CNOT1: variants seen among roughly 807,000 people sequenced by gnomAD.
CNOT1 encodes the protein CCR4-associated factor 1.
In CNOT1, 15 loss-of-function variants were observed where a neutral mutation model predicts 273.8. The ratio of observed to expected loss-of-function variants is 0.05; its 90% CI spans 0.04 to 0.08. CNOT1 has a LOEUF of 0.08. Ranked by LOEUF, CNOT1 falls within the 10% of genes least tolerant of loss-of-function variation. CNOT1 has a pLI of 1.00. For missense variants in CNOT1, 1,644 were observed against 2,912.2 expected, an observed-to-expected ratio of 0.56 and a Z score of 10.02; for synonymous variants, 1,022 against 1,005.5, an observed-to-expected ratio of 1.02 and a Z score of -0.31.
intron 3 of CNOT1, among the ~76,000 whole-genome samples, chr16:58,588,459 A>G (rs2041948338): frequency 6.6e-6 from 1 of 152,210 alleles, no homozygotes; most frequent in Middle Eastern, 3.2e-3. Flanking sequence ...CAGTATTATG[A>G]CAAACTCTTG....
chr16:58,582,959 G>C, intron 9 of CNOT1, 56 bp from the exon 10 acceptor site: 1 of 1,611,540 alleles, frequency 6.2e-7, no homozygotes, highest in Non-Finnish European at 8.5e-7. Context: ...GTTCACTTCT[G>C]GTCGATAGAA....
At chr16:58,626,829 A>C in intron 1 of CNOT1, among the ~76,000 whole-genome samples, 1 of 151,648 alleles carries the variant, frequency 6.6e-6, no homozygotes, top group African/African-American at 2.4e-5. Context: ...ATTTTGCAAA[A>C]TTTTTTTTTA....
chr16:58,613,785 GT>G lies in CNOT1; in HGVS notation c.-174-14275del, dbSNP rs906408056. ...TAAAATAGTTGAGAAAGGAACTGAA[GT>G]TTTTTTTCAAAGTAGAAAATTGGTC... On this transcript the variant is annotated intron_variant, in intron 1 of 48. Transcript: ENST00000317147. Among the ~76,000 whole-genome samples, 8 of 123,752 alleles carry G rather than the reference GT, an allele frequency of 6.5e-5. 2 individuals carry two copies. Among genetic ancestry groups the G allele is most frequent in the Non-Finnish European group, 1.5e-4 (8 of 52,100 alleles). 81.2% of individuals were successfully genotyped at this position (123,752 alleles called of 152,430 possible).
chr16:58,579,661 T>C (rs1220684214), intron 12 of CNOT1, among the ~76,000 whole-genome samples: 2 of 152,008 alleles, frequency 1.3e-5, no homozygotes, highest in South Asian at 2.1e-4. Flanking sequence ...TGGGAGGGTA[T>C]AGATAGAAAA....
intron 1 of CNOT1, among the ~76,000 whole-genome samples, chr16:58,610,624 A>G (rs1000119900): frequency 1.3e-5 from 2 of 152,028 alleles, no homozygotes; most frequent in African/African-American, 4.8e-5. Flanking sequence ...AGGGCGGATC[A>G]CAAGGTCAGG....
rs180996484 is a variant in CNOT1, at chr16:58,608,095, G to C, written c.-174-8584C>G. Among the ~76,000 whole-genome samples, 10 of 152,048 alleles carry C rather than the reference G, an allele frequency of 6.6e-5. No individual in the cohort carries two copies. In the East Asian group the frequency reaches 1.9e-3, roughly 29 times the overall value. On this transcript the variant is annotated intron_variant, in intron 1 of 48. Transcript: ENST00000317147. ...GGAGGATAAGGCATGAGAATCGCTTGAACTCAGGCCGTGGAGGTTGCAAGG... is the reference window on the plus strand; with the variant it reads ...GGAGGATAAGGCATGAGAATCGCTTCAACTCAGGCCGTGGAGGTTGCAAGG...
intron 43 of CNOT1, among the ~76,000 whole-genome samples, chr16:58,529,110 T>TC (rs2039691483): frequency 6.6e-6 from 1 of 152,066 alleles, no homozygotes; most frequent in East Asian, 1.9e-4. Flanking sequence ...ATTATTAATG[T>TC]CAGGAATGAC....
intron 18 of CNOT1, among the ~76,000 whole-genome samples, chr16:58,558,116 T>C (rs8053949): frequency 0.015 from 2,288 of 152,346 alleles, 46 homozygotes; most frequent in African/African-American, 0.052. Context: ...ATAGGTACAA[T>C]AGTTTCTACC....
Position 58,587,154 on chromosome 16 carries a change from G to A in CNOT1, c.433+47C>T, listed in dbSNP as rs780152966. 1.3e-5 allele frequency: 20 copies of A among 1,591,770 alleles called. No homozygotes were observed. The African/African-American group carries it at 1.8e-4, about 14-fold the overall frequency. On this transcript the variant is annotated intron_variant, in intron 6 of 48. Transcript: ENST00000317147. ...CAGAGCCTCATGATTAAAAACCCAC[G>A]TATTTTAAAGTCTCACTTCGTGATA...
intron 42 of CNOT1, 146 bp downstream of exon 42, chr16:58,531,812 T>C: frequency 1.0e-6 from 1 of 965,326 alleles, no homozygotes; most frequent in Admixed American, 2.7e-5. Context: ...AGTAATTGAC[T>C]TGAGTGAACA....
intron 22 of CNOT1, 40 bp downstream of exon 22, chr16:58,553,742 C>T: frequency 6.3e-7 from 1 of 1,592,958 alleles, no homozygotes; most frequent in Non-Finnish European, 8.5e-7. Flanking sequence ...CCTCCAAATA[C>T]TACATAGCTA....
At chr16:58,622,595 C>T (rs60387986) in intron 1 of CNOT1, among the ~76,000 whole-genome samples, 30 of 151,898 alleles carry the variant, frequency 2.0e-4, no homozygotes, top group Admixed American at 1.2e-3. Context: ...GCCTATAATC[C>T]CAACACTTTG....
chr16:58,526,689 G>A lies in CNOT1; in HGVS notation c.6454-551C>T, dbSNP rs187407748. 3.9e-5 allele frequency among the ~76,000 whole-genome samples: 6 copies of A among 152,084 alleles called. No individual in the cohort carries two copies. In the East Asian group the frequency reaches 1.2e-3, roughly 29 times the overall value. ...AAATATAAAATTAGCTGGGTGTGGT[G>A]CCTGTAATCCCAGCTGCTCGGGAGT... On this transcript the variant is annotated intron_variant, in intron 44 of 48. Transcript: ENST00000317147.
chr16:58,565,069 T>C (rs962608712), intron 16 of CNOT1, among the ~76,000 whole-genome samples: 1 of 152,230 alleles, frequency 6.6e-6, no homozygotes, highest in African/African-American at 2.4e-5. Flanking sequence ...CTTTTCGCCC[T>C]GAAGCATTGG....
intron 1 of CNOT1, among the ~76,000 whole-genome samples, chr16:58,616,790 G>C (rs1210875131): frequency 6.6e-6 from 1 of 152,014 alleles, no homozygotes; most frequent in Non-Finnish European, 1.5e-5. Context: ...TGGAAATTTT[G>C]TGTTAGAATC....
At chr16:58,604,065 A>C (rs1567438840) in intron 1 of CNOT1, among the ~76,000 whole-genome samples, 1 of 152,208 alleles carries the variant, frequency 6.6e-6, no homozygotes, top group Non-Finnish European at 1.5e-5. Flanking sequence ...TACCAAAAAA[A>C]CACGAAAATC....
chr16:58,551,560 TG>T, intron 23 of CNOT1, 28 bp downstream of exon 23: 1 of 1,595,700 alleles, frequency 6.3e-7, no homozygotes, highest in East Asian at 2.2e-5. Context: ...TCATAAATCC[TG>T]GAAGAGAAAA....
intron 1 of CNOT1, among the ~76,000 whole-genome samples, chr16:58,602,578 C>T (rs1284774255): frequency 2.0e-5 from 1 of 50,690 alleles, no homozygotes; most frequent in Non-Finnish European, 4.3e-5. Context: ...AAAAAAAAAA[C>T]CCATCCATAA....
intron 16 of CNOT1, among the ~76,000 whole-genome samples, chr16:58,568,037 G>C (rs2151953632): frequency 6.6e-6 from 1 of 152,312 alleles, no homozygotes; most frequent in Admixed American, 6.5e-5. Context: ...TGAGGTGGAA[G>C]ACTACTACAG....
Sources: allele counts gnomAD v4.1 joint callset (sites outside exome capture counted in the v4.1 genomes callset), GRCh38; gene constraint gnomAD v4.1.1; transcripts MANE v1.5; gene names NCBI Gene and HGNC (gene_info 2026-07-23, HGNC 2026-07-21).